ATP6V0A1: variants seen among roughly 807,000 people sequenced by gnomAD.
ATP6V0A1 encodes the protein V-type proton ATPase 116 kDa subunit a 1.
A neutral mutation model predicts 105.4 loss-of-function variants in ATP6V0A1; 43 were observed. The observed-to-expected ratio is 0.41, with a 90% CI of 0.32 to 0.53. The LOEUF is 0.53. ATP6V0A1 is among the 20% of genes least tolerant of loss of function. The probability of loss-of-function intolerance (pLI) is 0.30; values close to 1 mark genes in which losing one functional copy is unlikely to be tolerated. For synonymous variants in ATP6V0A1, 362 were observed against 372.8 expected, an observed-to-expected ratio of 0.97 and a Z score of 0.33; for missense variants, 676 against 1,051.1, an observed-to-expected ratio of 0.64 and a Z score of 4.93.
chr17:42,478,417 C>A (rs2089037705), intron 6 of ATP6V0A1, 46 bp from the exon 7 acceptor site: 1 of 1,445,102 alleles, frequency 6.9e-7, no homozygotes, highest in Non-Finnish European at 9.2e-7. Flanking sequence ...AACCTTCCAT[C>A]CCATGACATG....
intron 5 of ATP6V0A1, 100 bp downstream of exon 5, chr17:42,470,318 G>C: frequency 7.0e-7 from 1 of 1,429,948 alleles, no homozygotes; most frequent in Non-Finnish European, 9.6e-7. Flanking sequence ...TGCTAGTTTG[G>C]AAGCAATGCC....
In ATP6V0A1 at chr17:42,521,538, TGGG is replaced by T. The variant is rs1348004018; in HGVS notation, c.*422_*424del. 1 of 154,356 alleles carries T rather than the reference TGGG, an allele frequency of 6.5e-6. No individual in the cohort carries two copies. Among genetic ancestry groups the T allele is most frequent in the South Asian group, 2.0e-4 (1 of 4,898 alleles). The allele number at this position is 154,356 out of a possible 1,614,324, so 9.6% of individuals were successfully genotyped here. ...CCACCGTAGTTTCTAGCAGGAGTAG[TGGG>T]GGGAGTAATACAGATTCTTCCCTAG... On this transcript the variant is annotated 3_prime_UTR_variant, in exon 22 of 22. Transcript: ENST00000343619. The surrounding 1 kb of genome is among the most constrained non-coding windows in gnomAD (Gnocchi z 4.8).
chr17:42,485,884 G>A (rs1336979782), intron 9 of ATP6V0A1, among the ~76,000 whole-genome samples: 1 of 152,150 alleles, frequency 6.6e-6, no homozygotes, highest in Non-Finnish European at 1.5e-5. Context: ...AGGAAAGAAA[G>A]TAGCTATCTT....
chr17:42,488,784 C>A (rs956997989), intron 10 of ATP6V0A1, among the ~76,000 whole-genome samples: 12 of 2,942 alleles, frequency 4.1e-3, no homozygotes, highest in Admixed American at 0.037. Flanking sequence ...GAGGTTGAGG[C>A]GGGTCATCAC....
chr17:42,468,130 GA>G (rs747764537), intron 4 of ATP6V0A1, 23 bp downstream of exon 4: 1 of 1,494,426 alleles, frequency 6.7e-7, no homozygotes, highest in Non-Finnish European at 9.1e-7. Flanking sequence ...GGGAAAACCA[GA>G]AAAGTTTCTT....
chr17:42,459,250 C>T (rs1356917653), intron 1 of ATP6V0A1: 1 of 152,278 alleles, frequency 6.6e-6, no homozygotes, highest in Non-Finnish European at 1.5e-5. Flanking sequence ...AAGGGTTTCT[C>T]AGTTTGGGGG....
At position 42,479,750 on chromosome 17, in the gene ATP6V0A1, A is replaced by G. The variant is rs78917226; in HGVS notation, c.634-917A>G. On this transcript the variant is annotated intron_variant, in intron 7 of 21. Coordinates refer to ENST00000343619, the MANE Select transcript of ATP6V0A1 (RefSeq NM_001130021.3). Reference sequence around the variant, plus strand: ...CCCTGCCTAGGGGTGTAGTTTCACAATCTTGCCAAAGGCCATCAGGTTGTG... The same window carrying G: ...CCCTGCCTAGGGGTGTAGTTTCACAGTCTTGCCAAAGGCCATCAGGTTGTG... Among the ~76,000 whole-genome samples, 663 of 152,320 alleles carry G rather than the reference A, an allele frequency of 4.4e-3. 2 individuals carry two copies. Among genetic ancestry groups the G allele is most frequent in the African/African-American group, 0.015 (629 of 41,572 alleles).
intron 10 of ATP6V0A1, among the ~76,000 whole-genome samples, 150 bp from the exon 11 acceptor site, chr17:42,490,334 TTTA>T (rs1310465570): frequency 6.6e-6 from 1 of 152,144 alleles, no homozygotes; most frequent in Non-Finnish European, 1.5e-5. Flanking sequence ...TATTTTTAGG[TTTA>T]TTAGTTTTAT....
At chr17:42,498,658 C>T (rs969656399) in intron 14 of ATP6V0A1, among the ~76,000 whole-genome samples, 1 of 152,022 alleles carries the variant, frequency 6.6e-6, no homozygotes, top group Admixed American at 6.6e-5. Context: ...AACCCTGTCT[C>T]TACTAAAAAT....
chr17:42,499,698 G>A (rs1291386339), intron 15 of ATP6V0A1, among the ~76,000 whole-genome samples: 1 of 151,246 alleles, frequency 6.6e-6, no homozygotes, highest in Non-Finnish European at 1.5e-5. Context: ...TGAGGCAGGA[G>A]AATTGCTTGA....
intron 19 of ATP6V0A1, among the ~76,000 whole-genome samples, chr17:42,512,082 T>G (rs1051296530): frequency 3.9e-5 from 6 of 152,124 alleles, no homozygotes; most frequent in Non-Finnish European, 7.4e-5. Flanking sequence ...GAGAGGAAAC[T>G]GAGGCAGAAG....
intron 19 of ATP6V0A1, among the ~76,000 whole-genome samples, chr17:42,512,622 C>T (rs1326518221): frequency 4.6e-5 from 7 of 152,176 alleles, no homozygotes; most frequent in African/African-American, 1.4e-4. Flanking sequence ...AGCAGACGTT[C>T]GCCCAGAGAT....
Position 42,501,250 on chromosome 17 carries a change from G to C in ATP6V0A1, c.1950G>C (p.Met650Ile), listed in dbSNP as rs758116548. 9 of 1,614,150 alleles carry C rather than the reference G, an allele frequency of 5.6e-6. No individual in the cohort carries two copies. Among genetic ancestry groups the C allele is most frequent in the Non-Finnish European group, 4.2e-6 (5 of 1,180,014 alleles). Reference sequence around the variant, plus strand: ...TTGCACTACTGTGTGTACCTTGGATGCTGCTGTTTAAACCATTGGTCCTTC... The same window carrying C: ...TTGCACTACTGTGTGTACCTTGGATCCTGCTGTTTAAACCATTGGTCCTTC... ...VVVALLCVPW[M>I]LLFKPLVLRR... is the part of the protein sequence containing the mutation. Residue 650 changes from methionine (M) to isoleucine (I), a missense_variant, in exon 17 of 22, where the codon ATG becomes ATC. Physicochemically the swap from Met to Ile is conservative, Grantham distance 10 (BLOSUM62 1). Coordinates refer to ENST00000343619, the MANE Select transcript of ATP6V0A1 (RefSeq NM_001130021.3).
intron 12 of ATP6V0A1, 115 bp downstream of exon 12, chr17:42,494,588 G>A: frequency 7.7e-7 from 1 of 1,304,200 alleles, no homozygotes; most frequent in South Asian, 1.5e-5. Context: ...AGGAAGTAGA[G>A]AAGTTATGTT....
At chr17:42,474,933 A>C (rs758018422) in intron 5 of ATP6V0A1, among the ~76,000 whole-genome samples, 2 of 152,260 alleles carry the variant, frequency 1.3e-5, no homozygotes, top group Non-Finnish European at 2.9e-5. Flanking sequence ...AGGGCATTTA[A>C]AATGACTTGT....
At chr17:42,465,643 C>A (rs1487598214) in intron 2 of ATP6V0A1, among the ~76,000 whole-genome samples, 3 of 151,614 alleles carry the variant, frequency 2.0e-5, no homozygotes, top group Admixed American at 2.0e-4. Flanking sequence ...TTTGTATATT[C>A]CAGAACATCT....
intron 9 of ATP6V0A1, 48 bp from the exon 10 acceptor site, chr17:42,487,107 A>C (rs1009477141): frequency 1.3e-6 from 2 of 1,578,764 alleles, no homozygotes; most frequent in South Asian, 2.2e-5. Flanking sequence ...CCTGAGATCT[A>C]AAACTGGTGT....
intron 11 of ATP6V0A1, among the ~76,000 whole-genome samples, chr17:42,491,085 T>C (rs569183518): frequency 1.3e-5 from 2 of 151,568 alleles, no homozygotes; most frequent in African/African-American, 4.8e-5. Flanking sequence ...TAATTTTTAA[T>C]TTTTTTTAGA....
Position 42,515,280 on chromosome 17 carries a change from A to G in ATP6V0A1, c.2420+820A>G, listed in dbSNP as rs571297044. ...TCAGGAATTCGAGACCAGCCTGGCC[A>G]ACATGGTAAAACCCCGTCTCTACTA... is the stretch of plus-strand genomic sequence containing the variant. On this transcript the variant is annotated intron_variant, in intron 21 of 21. Transcript: ENST00000343619. 3.3e-4 allele frequency among the ~76,000 whole-genome samples: 50 copies of G among 152,058 alleles called. No homozygotes were observed. The East Asian group carries it at 9.5e-3, about 29-fold the overall frequency.
Sources: gnomAD v4.1 joint callset for allele counts (sites outside exome capture counted in the v4.1 genomes callset) on GRCh38, gnomAD v4.1.1 for gene constraint, Gnocchi (gnomAD v3.1) non-coding constraint, MANE v1.5 for transcripts, NCBI Gene and HGNC (gene_info 2026-07-23, HGNC 2026-07-21) for gene names.